ITIH6: variants seen among roughly 807,000 people sequenced by gnomAD.
The protein encoded by ITIH6 is inter-alpha-trypsin inhibitor heavy chain H6.
Under a neutral mutation model 58.2 loss-of-function variants are expected in ITIH6, and 60 were observed. The ratio of observed to expected loss-of-function variants is 1.03; its 90% confidence interval spans 0.84 to 1.28. The LOEUF (loss-of-function observed/expected upper bound fraction) is 1.28. Ranked by LOEUF, ITIH6 falls within the 50% of genes most tolerant of loss-of-function variation. ITIH6 has a pLI of 0.00. For missense variants in ITIH6, 1,290 were observed against 1,021.1 expected, an observed-to-expected ratio of 1.26 and a Z score of -3.59; for synonymous variants, 493 against 417.4, an observed-to-expected ratio of 1.18 and a Z score of -2.21.
chrX:54,749,529 C>T lies in ITIH6; in HGVS notation c.*366G>A. 6.1e-6 allele frequency: 1 copy of T among 164,620 alleles called. No homozygotes were observed. The highest frequency in any genetic ancestry group is 1.2e-5 in the Non-Finnish European group (1 of 86,826). 13.6% of individuals were successfully genotyped at this position (164,620 alleles called of 1,213,427 possible). A position where few individuals can be genotyped will look rare whatever the true frequency, so the allele number is the denominator to read the frequency against. On this transcript the variant is annotated 3_prime_UTR_variant, in exon 13 of 13. Transcript: ENST00000218436. Reference sequence around the variant, plus strand: ...GCAATGGTCCAGTGGTAGGAGTGAGCATGGTTTGTTAGGGAAACTCTGAGA... The same window carrying T: ...GCAATGGTCCAGTGGTAGGAGTGAGTATGGTTTGTTAGGGAAACTCTGAGA...
chrX:54,755,343 G>C (rs972378245), intron 8 of ITIH6, among the ~76,000 whole-genome samples: 1 of 112,136 alleles, frequency 8.9e-6, no homozygotes, highest in African/African-American at 3.2e-5. Context: ...ATTCATTCAG[G>C]CATTGCTTAG....
rs772943801 is a variant in ITIH6, at chrX:54,751,348, G to T, written c.3385C>A (p.Pro1129Thr). Residue 1129 changes from proline to threonine, a missense_variant, in exon 12 of 13, where the codon CCA becomes ACA. Coordinates refer to ENST00000218436, the MANE Select transcript of ITIH6 (RefSeq NM_198510.3). ...TGGTCCTTGTGGCCCGGCCTTGGTG[G>T]TGCGCCAAGCAGCTTCCCACTCACA... The part of the protein sequence containing the change: ...LHVSGKLLGA[P>T]PRPGHKDQTR... The T allele has an allele frequency of 7.4e-6, 9 of 1,210,334 alleles. No homozygotes were observed. In the South Asian group the frequency reaches 8.8e-5, roughly 12 times the overall value.
intron 9 of ITIH6, among the ~76,000 whole-genome samples, chrX:54,754,344 G>A (rs1372394666): frequency 8.9e-6 from 1 of 112,045 alleles, no homozygotes; most frequent in Non-Finnish European, 1.9e-5. Context: ...TACACACTCT[G>A]TAAAATCTCC....
chrX:54,758,734 C>T lies in ITIH6; in HGVS notation c.1340G>A (p.Gly447Glu). The T allele has an allele frequency of 6.6e-6, 8 of 1,211,036 alleles. No individual in the cohort carries two copies. Among genetic ancestry groups the T allele is most frequent in the Non-Finnish European group, 8.9e-6 (8 of 895,129 alleles). Residue 447 changes from glycine (G) to glutamate (E), a missense_variant, in exon 8 of 13, where the codon GGA (glycine) becomes GAA (glutamate). By Grantham distance (98) the Gly-to-Glu change is moderately conservative. Coordinates refer to ENST00000218436, the MANE Select transcript of ITIH6 (RefSeq NM_198510.3). ...LLRRLSLENR[G>E]IARRIYEDTD... ...GTCCTCATATATGCGCCGGGCTATT[C>T]CCCGGTTTTCCAGGGACAGGCGGCG...
At position 54,790,956 on chromosome X, in the gene ITIH6, C is replaced by G. The variant is rs1929336384; in HGVS notation, c.497G>C (p.Arg166Thr). 2 of 1,212,338 alleles carry G rather than the reference C, an allele frequency of 1.6e-6. No individual in the cohort carries two copies. Among genetic ancestry groups the G allele is most frequent in the East Asian group, 5.9e-5 (2 of 33,850 alleles). The part of the protein sequence containing the change: ...QGQYQLVVSL[R>T]PGQLVKRLSI... ...CAGCCTCTTCACCAATTGGCCAGGC[C>G]TCAGGCTCACCACCAGCTGGTACTG... The change falls in exon 4 of 13, where the codon AGG becomes ACG. Residue 166 changes from arginine to threonine, a missense_variant. Physicochemically the swap from Arg to Thr is moderately conservative, Grantham distance 71 (BLOSUM62 -1). Coordinates refer to ENST00000218436, the MANE Select transcript of ITIH6 (RefSeq NM_198510.3).
intron 2 of ITIH6, among the ~76,000 whole-genome samples, chrX:54,796,389 T>C (rs1194457187): frequency 2.7e-5 from 3 of 112,328 alleles, no homozygotes; most frequent in African/African-American, 9.7e-5. Flanking sequence ...CATTTAATCC[T>C]TGAAAGTGAG....
chrX:54,768,956 T>C (rs1423542642), intron 6 of ITIH6, among the ~76,000 whole-genome samples: 1 of 109,593 alleles, frequency 9.1e-6, no homozygotes, highest in Non-Finnish European at 1.9e-5. Context: ...TTCTCCTGGA[T>C]AATATCCTGC....
Position 54,790,954 on chromosome X carries a change from G to A in ITIH6, c.499C>T (p.Pro167Ser), listed in dbSNP as rs1392365206. 8.2e-7 allele frequency: 1 copy of A among 1,212,180 alleles called. No homozygotes were observed. Among genetic ancestry groups the A allele is most frequent in the Non-Finnish European group, 1.1e-6 (1 of 895,573 alleles). ...GQYQLVVSLR[P>S]GQLVKRLSIE... ...CTCAGCCTCTTCACCAATTGGCCAG[G>A]CCTCAGGCTCACCACCAGCTGGTAC... The change falls in exon 4 of 13, where the codon CCT becomes TCT. Residue 167 changes from proline (P) to serine (S), a missense_variant. By Grantham distance (74) the Pro-to-Ser change is moderately conservative. Transcript: ENST00000218436.
At position 54,758,369 on chromosome X, in the gene ITIH6, T is replaced by C. The variant is rs1402865349; in HGVS notation, c.1705A>G (p.Ile569Val). ...FIRRLWAYVT[I>V]GELLDAHFQA... ...AAGTGTGCATCCAGCAGTTCTCCAA[T>C]GGTGACATAGGCCCAGAGGCGGCGG... The change falls in exon 8 of 13, where the codon ATT becomes GTT. Residue 569 changes from isoleucine (I) to valine (V), a missense_variant. Coordinates refer to ENST00000218436, the MANE Select transcript of ITIH6 (RefSeq NM_198510.3). The C allele has an allele frequency of 3.3e-6, 4 of 1,210,365 alleles. No individual in the cohort carries two copies. Among genetic ancestry groups the C allele is most frequent in the African/African-American group, 1.7e-5 (1 of 57,369 alleles).
At position 54,774,163 on chromosome X, in the gene ITIH6, G is replaced by A; in HGVS notation, c.821C>T (p.Pro274Leu). 8.6e-7 allele frequency: 1 copy of A among 1,162,434 alleles called. No homozygotes were observed. Among genetic ancestry groups the A allele is most frequent in the Non-Finnish European group, 1.2e-6 (1 of 865,011 alleles). ...YDDYFIHYFA[P>L]RGLPPMEKNV... ...CTTCTCCATAGGTGGAAGGCCTCTG[G>A]GGGCAAAGTAGTGAATGAAATAGTC... Residue 274 changes from proline to leucine, a missense_variant, in exon 6 of 13, where the codon CCC (proline) becomes CTC (leucine). Physicochemically the swap from Pro to Leu is moderately conservative, Grantham distance 98 (BLOSUM62 -3). Coordinates refer to ENST00000218436, the MANE Select transcript of ITIH6 (RefSeq NM_198510.3).
intron 6 of ITIH6, among the ~76,000 whole-genome samples, chrX:54,761,889 T>C (rs1928654193): frequency 8.9e-6 from 1 of 111,957 alleles, no homozygotes; most frequent in African/African-American, 3.3e-5. Flanking sequence ...TCAGCTTTGT[T>C]CTTTTGGCTT....
In ITIH6 at chrX:54,758,683, C is replaced by A. The variant is rs141805707; in HGVS notation, c.1391G>T (p.Gly464Val). 172 of 1,210,059 alleles carry A rather than the reference C, an allele frequency of 1.4e-4. No individual in the cohort carries two copies. The African/African-American group carries it at 2.8e-3, about 20-fold the overall frequency. Residue 464 changes from glycine (G) to valine (V), a missense_variant, in exon 8 of 13, where the codon GGC (glycine) becomes GTC (valine). Coordinates refer to ENST00000218436, the MANE Select transcript of ITIH6 (RefSeq NM_198510.3). ...EDTDAALQLK[G>V]LYEEISMPLL... ...AGGCATGGAGATCTCCTCATAGAGG[C>A]CCTTCAGCTGTAGGGCCGCATCAGT... is the stretch of plus-strand genomic sequence containing the variant.
intron 6 of ITIH6, among the ~76,000 whole-genome samples, chrX:54,771,929 G>C (rs1369420269): frequency 8.9e-6 from 1 of 111,963 alleles, no homozygotes; most frequent in Non-Finnish European, 1.9e-5. Context: ...CATTGTGGAA[G>C]ACAGTGTGGC....
Position 54,759,965 on chromosome X carries a change from A to T in ITIH6, c.904-38T>A, listed in dbSNP as rs147568535. 9.5e-5 allele frequency: 105 copies of T among 1,107,012 alleles called. 1 individual carries two copies. The East Asian group carries it at 3.1e-3, about 33-fold the overall frequency. 91.2% of individuals were successfully genotyped at this position (1,107,012 alleles called of 1,213,427 possible). On this transcript the variant is annotated intron_variant, in intron 6 of 12. Transcript: ENST00000218436. ...GATGAAATGAAGAGAATGGGACAAG[A>T]CTTGAGGTCTATGAGATTGAAAGGC...
chrX:54,788,153 G>A (rs1398572956), intron 5 of ITIH6, among the ~76,000 whole-genome samples: 3 of 111,974 alleles, frequency 2.7e-5, no homozygotes, highest in African/African-American at 3.2e-5. Context: ...CAGAACGCGT[G>A]AGAATCCATA....
In ITIH6 at chrX:54,798,196, C is replaced by A. The variant is rs772734354; in HGVS notation, c.15G>T (p.Arg5Ser). Residue 5 changes from arginine to serine, a missense_variant, in exon 1 of 13, where the codon AGG becomes AGT. Arg to Ser is a moderately radical substitution (Grantham distance 110). Transcript: ENST00000218436. MSGWRYLICVSFLLT... is the reference protein window; with the variant it reads MSGWSYLICVSFLLT... The stretch of plus-strand genomic sequence containing the variant: ...GCAAAAAGCTGACACAGATGAGGTA[C>A]CTCCACCCAGACATGATGCCACCTC... 9.4e-6 allele frequency: 11 copies of A among 1,173,015 alleles called. No individual in the cohort carries two copies. Among genetic ancestry groups the A allele is most frequent in the Non-Finnish European group, 1.1e-5 (10 of 872,689 alleles).
intron 6 of ITIH6, among the ~76,000 whole-genome samples, chrX:54,766,248 G>C (rs1355576099): frequency 1.5e-4 from 16 of 105,479 alleles, no homozygotes; most frequent in Non-Finnish European, 2.3e-4. Context: ...TGTATCCTGA[G>C]ACTTTGCTGA....
rs190148602 is a variant in ITIH6 at position 54,757,824 on chromosome X, A to G, written c.2250T>C (p.Asp750=). ...GTGTCCTGGAGTTCGTGGGTAATAT[A>G]TCAGGATTCTGGTGTGATAGAGAGC... ...KPGSLSHQNP[D]ILPTNSRTQV... The change falls in exon 8 of 13, where the codon GAT becomes GAC. Residue 750 remains aspartate, a synonymous_variant. Coordinates refer to ENST00000218436, the MANE Select transcript of ITIH6 (RefSeq NM_198510.3). The G allele has an allele frequency of 4.1e-6, 5 of 1,209,351 alleles. No homozygotes were observed. The Admixed American group carries it at 1.1e-4, about 26-fold the overall frequency.
Position 54,755,111 on chromosome X carries a change from T to C in ITIH6, c.3110-2A>G. On this transcript the variant is annotated splice_acceptor_variant, in intron 8 of 12. Coordinates refer to ENST00000218436, the MANE Select transcript of ITIH6 (RefSeq NM_198510.3). LOFTEE classifies it high-confidence loss of function. The stretch of plus-strand genomic sequence containing the variant: ...AATTGCCATCCCAGTTTGGACTTCC[T>C]GCCAAGCACAAAAGAAATAAGAAAA... 8.4e-7 allele frequency: 1 copy of C among 1,196,473 alleles called. No individual in the cohort carries two copies. The highest frequency in any genetic ancestry group is 1.1e-6 in the Non-Finnish European group (1 of 882,841).
Sources: allele counts gnomAD v4.1 joint callset (sites outside exome capture counted in the v4.1 genomes callset), GRCh38; gene constraint gnomAD v4.1.1; transcripts MANE v1.5; gene names NCBI Gene and HGNC (gene_info 2026-07-23, HGNC 2026-07-21).